KCNMA1: variants seen among roughly 807,000 people sequenced by gnomAD.
KCNMA1 encodes the protein Calcium-activated potassium channel subunit alpha-1.
In KCNMA1, 29 loss-of-function variants were observed where a neutral mutation model predicts 140.0. The ratio of observed to expected loss-of-function variants is 0.21; its 90% CI spans 0.15 to 0.28. The LOEUF is 0.28. Among genes scored for constraint, KCNMA1 ranks in the 10% least tolerant of loss-of-function variants. The pLI is 1.00. For synonymous variants in KCNMA1, 612 were observed against 611.9 expected (o/e 1.00, Z 0.00); for missense variants, 880 against 1,602.2 (o/e 0.55, Z 7.70).
At chr10:76,870,346 G>C (rs533551054) in exon 28 of KCNMA1, 1 of 152,258 alleles carries the variant, frequency 6.6e-6, no homozygotes, top group Non-Finnish European at 1.5e-5. Flanking sequence ...AGTGGGGCCC[G>C]GTAGTGCTTC....
At chr10:77,545,708 C>T (rs7074134) in intron 1 of KCNMA1, among the ~76,000 whole-genome samples, 167 of 152,326 alleles carry the variant, frequency 1.1e-3, no homozygotes, top group African/African-American at 3.9e-3. Context: ...ATATTCTGCT[C>T]CCTTGGTTTC....
chr10:77,396,610 A>G (rs2096064431), intron 2 of KCNMA1, among the ~76,000 whole-genome samples: 1 of 152,240 alleles, frequency 6.6e-6, no homozygotes, highest in Admixed American at 6.5e-5. Flanking sequence ...TATTTGACAC[A>G]TATTTTCTTT....
At chr10:77,432,083 C>T (rs2097167647) in intron 1 of KCNMA1, among the ~76,000 whole-genome samples, 4 of 152,202 alleles carry the variant, frequency 2.6e-5, no homozygotes, top group Admixed American at 2.0e-4. Flanking sequence ...CTCACACCTG[C>T]AGGACTCCAG....
At chr10:77,629,804 C>T (rs920839961) in intron 1 of KCNMA1, among the ~76,000 whole-genome samples, 2 of 152,202 alleles carry the variant, frequency 1.3e-5, no homozygotes, top group Admixed American at 1.3e-4. Flanking sequence ...AAAACAACAA[C>T]AATAATTATA....
intron 5 of KCNMA1, among the ~76,000 whole-genome samples, chr10:77,143,745 T>C (rs1219617017): frequency 6.6e-6 from 1 of 151,898 alleles, no homozygotes; most frequent in Non-Finnish European, 1.5e-5. Context: ...AAATTAAATA[T>C]CAGTAAAATA....
At chr10:77,524,841 C>T (rs141738000) in intron 1 of KCNMA1, among the ~76,000 whole-genome samples, 6 of 152,190 alleles carry the variant, frequency 3.9e-5, no homozygotes, top group East Asian at 1.9e-4. Context: ...GAGGGTTATG[C>T]GGGAGGGAAG....
intron 3 of KCNMA1, among the ~76,000 whole-genome samples, chr10:77,220,091 T>C (rs1022757370): frequency 4.6e-5 from 7 of 152,242 alleles, no homozygotes; most frequent in African/African-American, 1.4e-4. Context: ...TGAGTGTTTT[T>C]ATCTGTTGAC....
At chr10:77,562,900 T>C (rs1050722175) in intron 1 of KCNMA1, among the ~76,000 whole-genome samples, 2 of 152,186 alleles carry the variant, frequency 1.3e-5, no homozygotes, top group African/African-American at 4.8e-5. Context: ...CGCAATAAAG[T>C]AGTGAGACTC....
At chr10:76,968,037 A>C (rs944368737) in intron 20 of KCNMA1, among the ~76,000 whole-genome samples, 2 of 152,150 alleles carry the variant, frequency 1.3e-5, no homozygotes, top group Admixed American at 6.5e-5. Context: ...TCCTGTAAAA[A>C]CCATACTTGA....
At chr10:77,124,191 T>C (rs2097685947) in intron 5 of KCNMA1, among the ~76,000 whole-genome samples, 1 of 152,232 alleles carries the variant, frequency 6.6e-6, no homozygotes, top group South Asian at 2.1e-4. Flanking sequence ...CTTTTATTTA[T>C]GGAACTAAAA....
intron 18 of KCNMA1, among the ~76,000 whole-genome samples, chr10:77,011,242 A>T (rs2090654476): frequency 6.6e-6 from 1 of 152,198 alleles, no homozygotes; most frequent in Non-Finnish European, 1.5e-5. Flanking sequence ...CACTTAAGTC[A>T]TGGTATCTCA....
chr10:77,223,424 C>G (rs550581117), intron 3 of KCNMA1, among the ~76,000 whole-genome samples: 1 of 152,056 alleles, frequency 6.6e-6, no homozygotes, highest in Admixed American at 6.6e-5. Context: ...ACCTCACTCC[C>G]CAGCTATAAA....
rs977283184 is a variant in KCNMA1, at chr10:76,982,751, G to A, written c.2267-12684C>T. On this transcript the variant is annotated intron_variant, in intron 19 of 27. Coordinates refer to ENST00000286628, the MANE Select transcript of KCNMA1 (RefSeq NM_001161352.2). The stretch of plus-strand genomic sequence containing the variant: ...TACTGAAGTTCAAAGAGGATAGTGG[G>A]TGGGCTTTGCATCTTGCAAAAGTCT... Among the ~76,000 whole-genome samples the A allele has an allele frequency of 3.3e-5, 5 of 152,140 alleles. 1 individual carries two copies. Among genetic ancestry groups the A allele is most frequent in the South Asian group, 2.1e-4 (1 of 4,824 alleles).
chr10:77,238,916 T>A (rs2056445988), intron 3 of KCNMA1, among the ~76,000 whole-genome samples: 1 of 152,210 alleles, frequency 6.6e-6, no homozygotes, highest in Non-Finnish European at 1.5e-5. Context: ...GTCTACATGG[T>A]AATATACATA....
chr10:77,439,131 A>AGAAGG (rs1459088111), intron 1 of KCNMA1, among the ~76,000 whole-genome samples: 1 of 145,242 alleles, frequency 6.9e-6, no homozygotes, highest in African/African-American at 2.6e-5. Flanking sequence ...AGAAGAGAAG[A>AGAAGG]GAAGAGAAGA....
intron 1 of KCNMA1, among the ~76,000 whole-genome samples, chr10:77,494,402 C>T (rs1450098361): frequency 6.6e-6 from 1 of 152,212 alleles, no homozygotes; most frequent in African/African-American, 2.4e-5. Flanking sequence ...TTCCCTGGAA[C>T]AGCAGCCTCG....
At chr10:77,076,427 T>G (rs1283343265) in intron 13 of KCNMA1, among the ~76,000 whole-genome samples, 1 of 152,198 alleles carries the variant, frequency 6.6e-6, no homozygotes, top group Non-Finnish European at 1.5e-5. Flanking sequence ...AGCGTTTCTC[T>G]CCAAGAATTC....
intron 3 of KCNMA1, among the ~76,000 whole-genome samples, chr10:77,195,106 G>C (rs1045002672): frequency 1.3e-5 from 2 of 152,034 alleles, no homozygotes; most frequent in Non-Finnish European, 2.9e-5. Flanking sequence ...AGAAAGACCT[G>C]GTAGAAGTCT....
intron 2 of KCNMA1, among the ~76,000 whole-genome samples, chr10:77,320,957 CAAGA>C (rs1424416669): frequency 6.6e-6 from 1 of 152,198 alleles, no homozygotes; most frequent in Non-Finnish European, 1.5e-5. Context: ...TCTGCTCATT[CAAGA>C]CTCTGTCCTC....
Sources: allele counts gnomAD v4.1 joint callset (sites outside exome capture counted in the v4.1 genomes callset), GRCh38; gene constraint gnomAD v4.1.1; transcripts MANE v1.5; gene names NCBI Gene and HGNC (gene_info 2026-07-23, HGNC 2026-07-21).